Variants in SLC22A23 observed in about 807,000 individuals in gnomAD.
The protein encoded by SLC22A23 is ion transporter protein.
In SLC22A23, 26 loss-of-function variants were observed where a neutral mutation model predicts 61.0. That is an observed-to-expected ratio of 0.43 (90% CI 0.31 to 0.59). SLC22A23 has a LOEUF of 0.59. Among genes scored for constraint, SLC22A23 ranks in the 20% least tolerant of loss-of-function variants. The pLI is 0.11. For missense variants in SLC22A23, 796 were observed against 934.7 expected (o/e 0.85, Z 1.94); for synonymous variants, 430 against 413.9 (o/e 1.04, Z -0.47).
intron 3 of SLC22A23, among the ~76,000 whole-genome samples, chr6:3,359,901 T>G (rs1196182503): frequency 6.6e-6 from 1 of 152,172 alleles, no homozygotes; most frequent in African/African-American, 2.4e-5. Context: ...TATGCTATAG[T>G]ATAAAGGAAG....
chr6:3,273,324 A>G lies in SLC22A23; in HGVS notation c.1792T>C (p.Phe598Leu). 6.2e-7 allele frequency: 1 copy of G among 1,614,124 alleles called. No homozygotes were observed. Among genetic ancestry groups the G allele is most frequent in the Non-Finnish European group, 8.5e-7 (1 of 1,180,002 alleles). Residue 598 changes from phenylalanine (F) to leucine (L), a missense_variant, in exon 10 of 10, where the codon TTC becomes CTC. Transcript: ENST00000406686. ...IIELHNQKGY[F>L]LHHIIFACCT... Reference sequence around the variant, plus strand: ...CAGGCAAAGATGATGTGGTGCAGGAAGTAGCCTTTCTGGTTGTGCAGCTCG... The same window carrying G: ...CAGGCAAAGATGATGTGGTGCAGGAGGTAGCCTTTCTGGTTGTGCAGCTCG...
chr6:3,284,089 G>T, intron 8 of SLC22A23, 114 bp from the exon 9 acceptor site: 1 of 1,093,354 alleles, frequency 9.1e-7, no homozygotes, highest in Non-Finnish European at 1.3e-6. Flanking sequence ...TTGCGGCATG[G>T]ATGGGTATGC....
chr6:3,440,046 G>A (rs775514912), intron 1 of SLC22A23, among the ~76,000 whole-genome samples: 1 of 152,146 alleles, frequency 6.6e-6, no homozygotes, highest in Non-Finnish European at 1.5e-5. Context: ...TTTGAAGCAA[G>A]GGAGTGATAA....
chr6:3,348,327 C>T (rs920240842), intron 3 of SLC22A23, among the ~76,000 whole-genome samples: 4 of 152,158 alleles, frequency 2.6e-5, no homozygotes, highest in East Asian at 1.9e-4. Flanking sequence ...AAAGCCTAGG[C>T]GCCATCTTTC....
intron 3 of SLC22A23, among the ~76,000 whole-genome samples, chr6:3,400,556 C>T (rs138767212): frequency 2.3e-3 from 354 of 152,344 alleles, no homozygotes; most frequent in African/African-American, 7.4e-3. Context: ...ATGACAATCA[C>T]GTTCATCTGG....
chr6:3,343,353 C>T (rs1384894206), intron 3 of SLC22A23, among the ~76,000 whole-genome samples: 2 of 152,104 alleles, frequency 1.3e-5, no homozygotes, highest in Non-Finnish European at 2.9e-5. Flanking sequence ...CCAAATAGGC[C>T]TTAGGTCATA....
intron 3 of SLC22A23, among the ~76,000 whole-genome samples, chr6:3,394,992 C>A (rs761659301): frequency 6.6e-6 from 1 of 152,094 alleles, no homozygotes; most frequent in Admixed American, 6.5e-5. Context: ...GGCACCAAGG[C>A]GGGCAGGTAT....
In SLC22A23 at chr6:3,410,366, TAGG is replaced by T; in HGVS notation, c.759-27_759-25del. On this transcript the variant is annotated intron_variant, in intron 2 of 9. Coordinates refer to ENST00000406686, the MANE Select transcript of SLC22A23 (RefSeq NM_015482.2). The surrounding 1 kb of genome is among the most constrained non-coding windows in gnomAD (Gnocchi z 5.0). ...CCCTGCATATGGAGAGGGAAAAAGT[TAGG>T]AATCATTGTGAAACAAGACAATGAC... 1 of 1,558,960 alleles carries T rather than the reference TAGG, an allele frequency of 6.4e-7. No individual in the cohort carries two copies. Among genetic ancestry groups the T allele is most frequent in the African/African-American group, 1.4e-5 (1 of 72,982 alleles).
At chr6:3,287,256 G>A (rs1295223611) in intron 6 of SLC22A23, among the ~76,000 whole-genome samples, 165 bp from the exon 7 acceptor site, 2 of 152,242 alleles carry the variant, frequency 1.3e-5, no homozygotes, top group African/African-American at 2.4e-5. Context: ...CAGAGCCAAT[G>A]CAAAAGAGGA....
intron 4 of SLC22A23, among the ~76,000 whole-genome samples, chr6:3,310,967 T>C (rs956037839): frequency 9.2e-5 from 14 of 152,242 alleles, no homozygotes; most frequent in African/African-American, 3.4e-4. Context: ...AAATATTTAG[T>C]TGCAGGGCGA....
intron 3 of SLC22A23, among the ~76,000 whole-genome samples, chr6:3,345,744 G>A (rs1764398463): frequency 6.6e-6 from 1 of 152,110 alleles, no homozygotes. Flanking sequence ...GTATTTATAT[G>A]GAATTGAGAT....
chr6:3,365,575 A>T (rs1288622218), intron 3 of SLC22A23, among the ~76,000 whole-genome samples: 1 of 152,200 alleles, frequency 6.6e-6, no homozygotes. Context: ...CTTGCGTAGC[A>T]CAGTCTCTAT....
chr6:3,358,872 G>A (rs758082120), intron 3 of SLC22A23, among the ~76,000 whole-genome samples: 19 of 152,158 alleles, frequency 1.2e-4, no homozygotes, highest in Non-Finnish European at 2.1e-4. Flanking sequence ...GGGCTGGAGG[G>A]ATGGTGGGAA....
At chr6:3,422,516 T>C (rs1337850360) in intron 1 of SLC22A23, among the ~76,000 whole-genome samples, 8 of 152,172 alleles carry the variant, frequency 5.3e-5, no homozygotes, top group Non-Finnish European at 1.2e-4. Flanking sequence ...CCCTAAAAGA[T>C]TCCATCAAAA....
chr6:3,300,703 C>T (rs1040770482), intron 4 of SLC22A23, among the ~76,000 whole-genome samples: 4 of 152,192 alleles, frequency 2.6e-5, no homozygotes, highest in Non-Finnish European at 5.9e-5. Flanking sequence ...ACATCACTAT[C>T]GATATCTAAT....
intron 3 of SLC22A23, among the ~76,000 whole-genome samples, chr6:3,405,018 T>C (rs1430779353): frequency 3.3e-5 from 5 of 151,914 alleles, no homozygotes; most frequent in East Asian, 1.9e-4. Context: ...CCTGGCACTT[T>C]GGGAGGCCGA....
In SLC22A23 at chr6:3,421,192, C is replaced by G. The variant is rs1561970004; in HGVS notation, c.655-5337G>C. ...AAAATTTCTAAAGATGAAGGAGAAA[C>G]AAAGAGGTACAAATCTGTACAAGGA... On this transcript the variant is annotated intron_variant, in intron 1 of 9. Transcript: ENST00000406686. Among the ~76,000 whole-genome samples, 5 of 151,678 alleles carry G rather than the reference C, an allele frequency of 3.3e-5. No individual in the cohort carries two copies. In the South Asian group the frequency reaches 6.3e-4, roughly 19 times the overall value.
chr6:3,314,620 T>C (rs1003734079), intron 4 of SLC22A23, among the ~76,000 whole-genome samples: 6 of 152,234 alleles, frequency 3.9e-5, no homozygotes, highest in Non-Finnish European at 8.8e-5. Flanking sequence ...AATGATATTT[T>C]AAAGAGCCAA....
intron 3 of SLC22A23, among the ~76,000 whole-genome samples, chr6:3,358,170 C>CA (rs1765228017): frequency 6.6e-6 from 1 of 152,090 alleles, no homozygotes; most frequent in African/African-American, 2.4e-5. Context: ...GGCAGTTCCT[C>CA]AAAAAACTAA....
Sources: allele counts gnomAD v4.1 joint callset (sites outside exome capture counted in the v4.1 genomes callset), GRCh38; gene constraint gnomAD v4.1.1; non-coding constraint Gnocchi (gnomAD v3.1); transcripts MANE v1.5; gene names NCBI Gene and HGNC (gene_info 2026-07-23, HGNC 2026-07-21).